Variants in INPP5B observed in about 807,000 individuals in gnomAD.
The protein encoded by INPP5B is inositol polyphosphate-5-phosphatase B, also known as type II inositol 1,4,5-trisphosphate 5-phosphatase.
A neutral mutation model predicts 118.5 loss-of-function variants in INPP5B; 90 were observed. That is an observed-to-expected ratio of 0.76 (90% CI 0.64 to 0.90). The LOEUF (loss-of-function observed/expected upper bound fraction) is 0.90. Ranked by LOEUF, INPP5B falls within the 40% of genes least tolerant of loss-of-function variation. The probability of loss-of-function intolerance (pLI) is 0.00; values close to 1 mark genes in which losing one functional copy is unlikely to be tolerated. For missense variants in INPP5B, 984 were observed against 1,125.6 expected, an observed-to-expected ratio of 0.87 and a Z score of 1.80; for synonymous variants, 385 against 418.9, an observed-to-expected ratio of 0.92 and a Z score of 0.99.
chr1:37,898,003 G>A (rs758571689), intron 7 of INPP5B, among the ~76,000 whole-genome samples: 16 of 151,922 alleles, frequency 1.1e-4, no homozygotes, highest in South Asian at 4.1e-4. Context: ...TTATAGCAGC[G>A]TTAAAATCAC....
intron 6 of INPP5B, among the ~76,000 whole-genome samples, chr1:37,932,767 G>A (rs1645538705): frequency 6.6e-6 from 1 of 152,100 alleles, no homozygotes; most frequent in South Asian, 2.1e-4. Flanking sequence ...GATGCCAGAG[G>A]GTTGGAGGAT....
At position 37,873,048 on chromosome 1, in the gene INPP5B, T is replaced by G; in HGVS notation, c.2069A>C (p.Asp690Ala). 1 of 1,614,120 alleles carries G rather than the reference T, an allele frequency of 6.2e-7. No individual in the cohort carries two copies. The highest frequency in any genetic ancestry group is 8.5e-7 in the Non-Finnish European group (1 of 1,180,012). Reference sequence around the variant, plus strand: ...GTTCCCAGACACAGACAAAAAGTAATCCTTTCCCCTGTCCAAGTGCAGAAC... The same window carrying G: ...GTTCCCAGACACAGACAAAAAGTAAGCCTTTCCCCTGTCCAAGTGCAGAAC... ...ILVLHLDRGK[D>A]YFLSVSGNYL... Residue 690 changes from aspartate (D) to alanine (A), a missense_variant, in exon 19 of 24, where the codon GAT becomes GCT. By Grantham distance (126) the Asp-to-Ala change is moderately radical (BLOSUM62 -2). Around this residue, in one of 2 missense-constraint regions of INPP5B, gnomAD observed 634 missense variants for 791.0 expected, o/e 0.80. Coordinates refer to ENST00000373024, the MANE Select transcript of INPP5B (RefSeq NM_005540.3).
rs888685182 is a variant in INPP5B, at chr1:37,941,216, A to G, written c.281-418T>C. ...GGGAATACCATGGTGAAGAGAATACACGTGGGCCCGTCTCAGGGAGCTAGA... is the reference window on the plus strand; with the variant it reads ...GGGAATACCATGGTGAAGAGAATACGCGTGGGCCCGTCTCAGGGAGCTAGA... On this transcript the variant is annotated intron_variant, in intron 5 of 23. Transcript: ENST00000373024. Among the ~76,000 whole-genome samples the G allele has an allele frequency of 3.9e-5, 6 of 152,252 alleles. No homozygotes were observed. In the South Asian group the frequency reaches 1.2e-3, roughly 32 times the overall value.
intron 16 of INPP5B, 49 bp from the exon 17 acceptor site, chr1:37,875,765 CTCTT>C (rs1642760754): frequency 7.1e-7 from 1 of 1,400,626 alleles, no homozygotes; most frequent in Non-Finnish European, 1.0e-6. Flanking sequence ...TGCCCATTTC[CTCTT>C]TCTCAGTATA....
At chr1:37,927,190 G>A (rs1009640334) in intron 7 of INPP5B, among the ~76,000 whole-genome samples, 1 of 152,112 alleles carries the variant, frequency 6.6e-6, no homozygotes, top group Non-Finnish European at 1.5e-5. Context: ...AGCTACTAGA[G>A]AGGCTAAGGC....
At chr1:37,944,235 C>T (rs1347496592) in intron 3 of INPP5B, among the ~76,000 whole-genome samples, 3 of 152,094 alleles carry the variant, frequency 2.0e-5, no homozygotes, top group Admixed American at 2.0e-4. Context: ...ACCTGTTTCC[C>T]ATCTGTAAAA....
intron 7 of INPP5B, among the ~76,000 whole-genome samples, chr1:37,897,351 A>G (rs1644156553): frequency 1.3e-5 from 2 of 149,676 alleles, no homozygotes; most frequent in African/African-American, 4.9e-5. Context: ...GTGTAGAAAG[A>G]GGTAGACATG....
intron 23 of INPP5B, among the ~76,000 whole-genome samples, chr1:37,863,968 C>T (rs1363445991): frequency 6.6e-6 from 1 of 151,752 alleles, no homozygotes; most frequent in African/African-American, 2.4e-5. Context: ...GCATGCACCA[C>T]CACACTCAGC....
At chr1:37,894,375 T>C (rs1643939502) in intron 7 of INPP5B, among the ~76,000 whole-genome samples, 1 of 152,176 alleles carries the variant, frequency 6.6e-6, no homozygotes, top group East Asian at 1.9e-4. Context: ...TGCTGTGTAC[T>C]GTAGGTGTTT....
At chr1:37,936,536 G>A (rs1645698983) in intron 6 of INPP5B, among the ~76,000 whole-genome samples, 1 of 151,836 alleles carries the variant, frequency 6.6e-6, no homozygotes, top group African/African-American at 2.4e-5. Flanking sequence ...CAAGAGAATC[G>A]CTTGAACCCG....
chr1:37,881,745 A>G (rs12742756), intron 14 of INPP5B, among the ~76,000 whole-genome samples: 50,677 of 151,982 alleles, frequency 0.33, 9,729 homozygotes, highest in Middle Eastern at 0.43. Context: ...GAGGAGATAA[A>G]CAGAGAAAGA....
rs1425736836 is a variant in INPP5B at position 37,896,567 on chromosome 1, C to T, written c.533-5113G>A. ...TACTGGGAACTGAGGAGCCCCTCTG[C>T]CCGGCCAGCCGCTCCGTCCGGGAAG... is the stretch of plus-strand genomic sequence containing the variant. On this transcript the variant is annotated intron_variant, in intron 7 of 23. Transcript: ENST00000373024. 2.5e-3 allele frequency among the ~76,000 whole-genome samples: 368 copies of T among 144,516 alleles called. 2 individuals carry two copies. Among genetic ancestry groups the T allele is most frequent in the Non-Finnish European group, 4.2e-3 (272 of 65,414 alleles). 94.8% of individuals were successfully genotyped at this position (144,516 alleles called of 152,430 possible). A position where few individuals can be genotyped will look rare whatever the true frequency, so the allele number is the denominator to read the frequency against.
intron 13 of INPP5B, 29 bp from the exon 14 acceptor site, chr1:37,882,947 G>A (rs761352614): frequency 1.2e-6 from 2 of 1,613,762 alleles, no homozygotes; most frequent in African/African-American, 1.3e-5. Context: ...AAGGTAACAG[G>A]GTTTAGGAGG....
chr1:37,875,456 G>T lies in INPP5B; in HGVS notation c.1788+150C>A, dbSNP rs2148473881. On this transcript the variant is annotated intron_variant, in intron 17 of 23. Transcript: ENST00000373024. ...GCTAATTTTTTGTATTTTTAGTAGA[G>T]ACAGGGTTTCACCGTGTTAGCCAGG... 7.0e-6 allele frequency: 4 copies of T among 571,294 alleles called. No individual in the cohort carries two copies. The East Asian group carries it at 9.4e-5, about 13-fold the overall frequency. The allele number at this position is 571,294 out of a possible 1,614,324, so 35.4% of individuals were successfully genotyped here.
intron 7 of INPP5B, among the ~76,000 whole-genome samples, chr1:37,919,784 C>CA (rs1401649083): frequency 4.6e-5 from 7 of 150,956 alleles, no homozygotes; most frequent in South Asian, 2.1e-4. Context: ...ACTAAAAATA[C>CA]AAAAAAAAAT....
intron 7 of INPP5B, among the ~76,000 whole-genome samples, chr1:37,903,409 C>T (rs913667018): frequency 1.1e-4 from 17 of 152,086 alleles, no homozygotes; most frequent in African/African-American, 2.4e-4. Flanking sequence ...ATCTACCCCT[C>T]GTTTAGCATA....
chr1:37,878,588 G>T, intron 15 of INPP5B: 2 of 711,356 alleles, frequency 2.8e-6, no homozygotes, highest in Non-Finnish European at 3.5e-6. Context: ...AATCAGGAGA[G>T]AATTAAAAAA....
intron 7 of INPP5B, among the ~76,000 whole-genome samples, chr1:37,903,655 A>G (rs1043569657): frequency 1.3e-5 from 2 of 151,900 alleles, no homozygotes; most frequent in African/African-American, 4.8e-5. Context: ...TGAACCCAGG[A>G]GGTGGAGCTT....
chr1:37,926,042 T>C (rs1570332595), intron 7 of INPP5B, among the ~76,000 whole-genome samples: 1 of 152,304 alleles, frequency 6.6e-6, no homozygotes, highest in East Asian at 1.9e-4. Context: ...CACACAAGTT[T>C]TACCTATTAG....
Sources: allele counts gnomAD v4.1 joint callset (sites outside exome capture counted in the v4.1 genomes callset), GRCh38; gene constraint gnomAD v4.1.1; regional missense constraint gnomAD v4.1.1; transcripts MANE v1.5; gene names NCBI Gene and HGNC (gene_info 2026-07-23, HGNC 2026-07-21).